Variants in NECTIN3 observed in about 807,000 individuals in gnomAD.
The protein encoded by NECTIN3 is nectin cell adhesion molecule 3.
Under a neutral mutation model 49.4 loss-of-function variants are expected in NECTIN3, and 8 were observed. The ratio of observed to expected loss-of-function variants is 0.16; its 90% CI spans 0.10 to 0.29. NECTIN3 has a LOEUF of 0.29. Among genes scored for constraint, NECTIN3 ranks in the 10% least tolerant of loss-of-function variants. The pLI, the probability that NECTIN3 is intolerant of heterozygous loss-of-function variation, is 1.00. For missense variants in NECTIN3, 581 were observed against 654.6 expected (o/e 0.89, Z 1.23); for synonymous variants, 277 against 241.1 (o/e 1.15, Z -1.38).
intron 1 of NECTIN3, among the ~76,000 whole-genome samples, chr3:111,103,067 T>TGAA (rs2107427077): frequency 6.6e-6 from 1 of 152,274 alleles, no homozygotes; most frequent in African/African-American, 2.4e-5. Context: ...TGTTAAGTCT[T>TGAA]GAAGTCAGAT....
chr3:111,081,358 CT>C (rs1457144646), intron 1 of NECTIN3, among the ~76,000 whole-genome samples: 1 of 152,220 alleles, frequency 6.6e-6, no homozygotes, highest in Non-Finnish European at 1.5e-5. Context: ...AGAAAGGACT[CT>C]TCTAGGCTCC....
intron 1 of NECTIN3, among the ~76,000 whole-genome samples, chr3:111,084,229 G>A (rs1163521885): frequency 1.3e-5 from 2 of 151,352 alleles, no homozygotes; most frequent in Non-Finnish European, 2.9e-5. Flanking sequence ...AGCGATATAA[G>A]TGATAAACTT....
At chr3:111,081,429 T>C (rs542834182) in intron 1 of NECTIN3, among the ~76,000 whole-genome samples, 1 of 152,362 alleles carries the variant, frequency 6.6e-6, no homozygotes, top group African/African-American at 2.4e-5. Context: ...GAATGAAAGA[T>C]GTCTTTCTCT....
intron 7 of NECTIN3, among the ~76,000 whole-genome samples, chr3:111,178,243 T>C (rs528186814): frequency 6.6e-6 from 1 of 152,368 alleles, no homozygotes; most frequent in Admixed American, 6.5e-5. Context: ...TCCAATATTC[T>C]ATCTTGCAAA....
At chr3:111,103,158 A>T (rs2033001317) in intron 1 of NECTIN3, among the ~76,000 whole-genome samples, 1 of 152,090 alleles carries the variant, frequency 6.6e-6, no homozygotes. Context: ...TACATTTGAG[A>T]ATCAGTTTGT....
rs747837674 is a variant in NECTIN3, at chr3:111,122,214, C to T, written c.893C>T (p.Pro298Leu). Residue 298 changes from proline (P) to leucine (L), a missense_variant, in exon 4 of 6, where the codon CCA becomes CTA. Coordinates refer to ENST00000485303, the MANE Select transcript of NECTIN3 (RefSeq NM_015480.3). The stretch of plus-strand genomic sequence containing the variant: ...AAATGTAATGCTGATGCAAATCCAC[C>T]ACCCTTCAAATCTGTGTGGAGCAGG... ...NLKCNADANP[P>L]PFKSVWSRLD... The T allele has an allele frequency of 1.2e-6, 2 of 1,611,232 alleles. No homozygotes were observed. Among genetic ancestry groups the T allele is most frequent in the East Asian group, 2.2e-5 (1 of 44,788 alleles).
chr3:111,076,707 C>T (rs1366300443), intron 1 of NECTIN3, among the ~76,000 whole-genome samples: 3 of 152,142 alleles, frequency 2.0e-5, no homozygotes, highest in Admixed American at 6.6e-5. Flanking sequence ...CAGTGGCTCA[C>T]GCCTGTAATC....
intron 1 of NECTIN3, chr3:111,072,472 G>C (rs951315126): frequency 2.0e-6 from 3 of 1,535,550 alleles, no homozygotes; most frequent in Middle Eastern, 1.7e-4. Flanking sequence ...GGTTTGCTCC[G>C]GGGACCGTTA....
intron 5 of NECTIN3, among the ~76,000 whole-genome samples, chr3:111,131,276 A>G (rs1024249967): frequency 7.2e-5 from 11 of 152,006 alleles, no homozygotes; most frequent in African/African-American, 2.7e-4. Context: ...TATCCATTAT[A>G]TACTCATTTA....
Position 111,112,362 on chromosome 3 carries a change from A to G in NECTIN3, c.493A>G (p.Thr165Ala), listed in dbSNP as rs1258293741. The change falls in exon 2 of 6, where the codon ACT becomes GCT. Residue 165 changes from threonine (T) to alanine (A), a missense_variant. Transcript: ENST00000485303. Reference sequence around the variant, plus strand: ...AAATGCCCAGTCCTCTACAACTGTAACTGTGTTAGGTAGGTATGCTTGAAT... The same window carrying G: ...AAATGCCCAGTCCTCTACAACTGTAGCTGTGTTAGGTAGGTATGCTTGAAT... ...LGNAQSSTTV[T>A]VLVEPTVSLI... 1 of 1,592,392 alleles carries G rather than the reference A, an allele frequency of 6.3e-7. No homozygotes were observed. Among genetic ancestry groups the G allele is most frequent in the East Asian group, 2.2e-5 (1 of 44,680 alleles).
chr3:111,145,781 T>C (rs1435714379), intron 6 of NECTIN3, among the ~76,000 whole-genome samples: 1 of 152,202 alleles, frequency 6.6e-6, no homozygotes, highest in East Asian at 1.9e-4. Context: ...CTTATGTGGT[T>C]TATTAATGTT....
At chr3:111,180,513 CCT>C (rs201277283) in intron 7 of NECTIN3, among the ~76,000 whole-genome samples, 1,719 of 152,290 alleles carry the variant, frequency 0.011, 35 homozygotes, top group African/African-American at 0.038. Flanking sequence ...ACAAAGTCGA[CCT>C]CTCTCATAAC....
chr3:111,098,034 G>A (rs569725455), intron 1 of NECTIN3, among the ~76,000 whole-genome samples: 10 of 152,186 alleles, frequency 6.6e-5, no homozygotes, highest in African/African-American at 2.2e-4. Context: ...CCACTTTCTA[G>A]TCTAGATTCT....
At chr3:111,185,182 T>C (rs2107534924) in intron 7 of NECTIN3, among the ~76,000 whole-genome samples, 1 of 152,294 alleles carries the variant, frequency 6.6e-6, no homozygotes, top group Middle Eastern at 3.4e-3. Flanking sequence ...GTTCCACAGA[T>C]TTCAGTCACC....
At chr3:111,141,651 C>T (rs1456542108), downstream of NECTIN3, among the ~76,000 whole-genome samples, 2 of 151,762 alleles carry the variant, frequency 1.3e-5, no homozygotes, top group Admixed American at 1.3e-4. Flanking sequence ...TGCTCTTTTT[C>T]TATTTTTGGA....
intron 1 of NECTIN3, chr3:111,074,386 A>G (rs1205975700): frequency 2.9e-6 from 1 of 349,876 alleles, no homozygotes; most frequent in Non-Finnish European, 5.9e-6. Flanking sequence ...AGTTGAAAAG[A>G]TTTTTAAGCT....
chr3:111,101,495 CTT>C (rs1415613184), intron 1 of NECTIN3, among the ~76,000 whole-genome samples: 2 of 152,092 alleles, frequency 1.3e-5, no homozygotes, highest in East Asian at 1.9e-4. Context: ...GAAACGTAAA[CTT>C]TTAAAAATTA....
At chr3:111,145,128 A>C in intron 6 of NECTIN3, 1 of 1,353,506 alleles carries the variant, frequency 7.4e-7, no homozygotes, top group Non-Finnish European at 1.0e-6. Context: ...AAAGAACTTA[A>C]GGGATAGAAG....
chr3:111,152,383 A>G (rs2035017781), intron 7 of NECTIN3, among the ~76,000 whole-genome samples: 1 of 151,800 alleles, frequency 6.6e-6, no homozygotes, highest in South Asian at 2.1e-4. Flanking sequence ...TTTCTCCACA[A>G]CCTCACCAAT....
Sources: gnomAD v4.1 joint callset for allele counts (sites outside exome capture counted in the v4.1 genomes callset) on GRCh38, gnomAD v4.1.1 for gene constraint, MANE v1.5 for transcripts, NCBI Gene and HGNC (gene_info 2026-07-23, HGNC 2026-07-21) for gene names.